The following MYT1L variants were observed in gnomAD, a reference collection of about 807,000 sequenced individuals.
MYT1L encodes myelin transcription factor 1-like protein.
MYT1L carries 12 observed loss-of-function variants against 126.7 expected under a neutral mutation model. That is an observed-to-expected ratio of 0.09 (90% confidence interval 0.06 to 0.15). The LOEUF is 0.15. Ranked by LOEUF, MYT1L falls within the 10% of genes least tolerant of loss-of-function variation. The probability of loss-of-function intolerance (pLI) is 1.00; values close to 1 mark genes in which losing one functional copy is unlikely to be tolerated. For synonymous variants in MYT1L, 541 were observed against 604.2 expected (o/e 0.90, Z 1.53); for missense variants, 979 against 1,585.2 (o/e 0.62, Z 6.49).
intron 14 of MYT1L, among the ~76,000 whole-genome samples, chr2:1,893,195 C>T (rs1256246461): frequency 6.6e-6 from 1 of 152,190 alleles, no homozygotes; most frequent in Admixed American, 6.5e-5. Flanking sequence ...ATTTAAATCT[C>T]CTTTAGTACA....
chr2:2,197,454 T>C (rs148647461), intron 2 of MYT1L, among the ~76,000 whole-genome samples: 10 of 152,238 alleles, frequency 6.6e-5, no homozygotes, highest in African/African-American at 2.4e-4. Flanking sequence ...AAAAACATGG[T>C]ATATCTATCT....
chr2:2,101,278 G>A (rs1167965777), intron 3 of MYT1L, among the ~76,000 whole-genome samples: 1 of 152,018 alleles, frequency 6.6e-6, no homozygotes, highest in Non-Finnish European at 1.5e-5. Flanking sequence ...CTTACGTGGT[G>A]AGGCATGAAA....
At chr2:1,839,817 C>CAA (rs2041416185) in intron 20 of MYT1L, among the ~76,000 whole-genome samples, 2 of 152,198 alleles carry the variant, frequency 1.3e-5, no homozygotes, top group African/African-American at 4.8e-5. Context: ...AGCTAGAAGA[C>CAA]ATTTATTTGT....
intron 4 of MYT1L, among the ~76,000 whole-genome samples, chr2:2,000,978 T>C (rs953641411): frequency 2.6e-5 from 4 of 152,206 alleles, no homozygotes; most frequent in Non-Finnish European, 5.9e-5. Context: ...GTTTTCTCTC[T>C]GAACAGGTCT....
chr2:2,242,357 C>T (rs59952520), intron 2 of MYT1L, among the ~76,000 whole-genome samples: 12,397 of 152,158 alleles, frequency 0.081, 1,099 homozygotes, highest in East Asian at 0.47. Flanking sequence ...GTTAACAACA[C>T]GTAAAGCGCA....
At chr2:1,908,776 G>A (rs1239200733) in intron 13 of MYT1L, among the ~76,000 whole-genome samples, 1 of 152,166 alleles carries the variant, frequency 6.6e-6, no homozygotes, top group Non-Finnish European at 1.5e-5. Context: ...TATGGAAGGT[G>A]GGTGCATTTC....
chr2:2,298,671 C>G (rs1425367344), intron 1 of MYT1L, among the ~76,000 whole-genome samples: 1 of 152,094 alleles, frequency 6.6e-6, no homozygotes, highest in African/African-American at 2.4e-5. Context: ...GGAACATGAG[C>G]TTCCACAAGT....
At chr2:2,245,396 G>C (rs1219254531) in intron 2 of MYT1L, among the ~76,000 whole-genome samples, 1 of 151,696 alleles carries the variant, frequency 6.6e-6, no homozygotes, top group Non-Finnish European at 1.5e-5. Context: ...CTTGAGCCTT[G>C]TGTTTCTTTC....
At chr2:2,102,646 A>G (rs1325736056) in intron 3 of MYT1L, among the ~76,000 whole-genome samples, 1 of 149,110 alleles carries the variant, frequency 6.7e-6, no homozygotes, top group Non-Finnish European at 1.5e-5. Flanking sequence ...GTGTGTGTAT[A>G]AAGTTAACTA....
At chr2:1,839,465 A>G in intron 20 of MYT1L, 95 bp from the exon 21 acceptor site, 1 of 1,125,252 alleles carries the variant, frequency 8.9e-7, no homozygotes, top group South Asian at 1.5e-5. Flanking sequence ...TGAAGAAGAA[A>G]AAAACAACCA....
chr2:2,229,348 T>G (rs968779936), intron 2 of MYT1L, among the ~76,000 whole-genome samples: 7 of 152,196 alleles, frequency 4.6e-5, no homozygotes, highest in African/African-American at 1.4e-4. Context: ...GTGGTTTCCA[T>G]GATTTTATTA....
chr2:2,330,424 T>C (rs2096277876), intron 1 of MYT1L, among the ~76,000 whole-genome samples: 1 of 152,194 alleles, frequency 6.6e-6, no homozygotes, highest in Non-Finnish European at 1.5e-5. Flanking sequence ...ATTTAGGTGT[T>C]ACAAAAAGAC....
intron 3 of MYT1L, among the ~76,000 whole-genome samples, chr2:2,092,523 G>A (rs2077007054): frequency 6.6e-6 from 1 of 152,210 alleles, no homozygotes; most frequent in African/African-American, 2.4e-5. Context: ...TACTGCATGA[G>A]CAAGTGCTGT....
intron 3 of MYT1L, among the ~76,000 whole-genome samples, chr2:2,091,055 A>G (rs1426666440): frequency 6.6e-6 from 1 of 152,202 alleles, no homozygotes; most frequent in Non-Finnish European, 1.5e-5. Context: ...TGAGCATTGG[A>G]ATCAACTTCT....
chr2:2,244,832 C>A (rs1047129760), intron 2 of MYT1L, among the ~76,000 whole-genome samples: 1 of 152,212 alleles, frequency 6.6e-6, no homozygotes, highest in African/African-American at 2.4e-5. Flanking sequence ...TGCAAACTGA[C>A]GGCTAGAGAT....
intron 1 of MYT1L, among the ~76,000 whole-genome samples, chr2:2,300,020 T>C (rs2095759333): frequency 6.6e-6 from 1 of 152,206 alleles, no homozygotes; most frequent in Non-Finnish European, 1.5e-5. Context: ...CAAGTTCGCT[T>C]ATTATTATGA....
intron 8 of MYT1L, among the ~76,000 whole-genome samples, chr2:1,957,279 T>A (rs1156306961): frequency 3.9e-5 from 6 of 152,156 alleles, no homozygotes; most frequent in Non-Finnish European, 8.8e-5. Flanking sequence ...TTTAAAAAAA[T>A]TTTCAATAGT....
intron 2 of MYT1L, among the ~76,000 whole-genome samples, chr2:2,251,931 A>T (rs1475108318): frequency 4.0e-5 from 6 of 151,718 alleles, no homozygotes; most frequent in Non-Finnish European, 8.8e-5. Flanking sequence ...AAGAAAGAAG[A>T]AAAGAAAAGA....
At chr2:1,901,871 G>C (rs1030419214) in intron 14 of MYT1L, among the ~76,000 whole-genome samples, 1 of 152,196 alleles carries the variant, frequency 6.6e-6, no homozygotes, top group African/African-American at 2.4e-5. Context: ...TGTTGGCCAG[G>C]CTGGTCTTGA....
Sources: allele counts gnomAD v4.1 joint callset (sites outside exome capture counted in the v4.1 genomes callset), GRCh38; gene constraint gnomAD v4.1.1; transcripts MANE v1.5; gene names NCBI Gene and HGNC (gene_info 2026-07-23, HGNC 2026-07-21).